CADPS: variants seen among roughly 807,000 people sequenced by gnomAD.
The protein encoded by CADPS is calcium dependent secretion activator.
In CADPS, 57 loss-of-function variants were observed where a neutral mutation model predicts 167.3. That is an observed-to-expected ratio of 0.34 (90% CI 0.28 to 0.42). CADPS has a LOEUF of 0.42. Among genes scored for constraint, CADPS ranks in the 20% least tolerant of loss-of-function variants. The pLI is 1.00. For synonymous variants in CADPS, 676 were observed against 635.3 expected (o/e 1.06, Z -0.96); for missense variants, 1,414 against 1,738.1 (o/e 0.81, Z 3.32).
In CADPS at chr3:62,550,244, G is replaced by A. The variant is rs1477535190; in HGVS notation, c.1754-129C>T. The A allele has an allele frequency of 7.5e-6, 5 of 665,770 alleles. No homozygotes were observed. The Admixed American group carries it at 1.0e-4, about 14-fold the overall frequency. 41.2% of individuals were successfully genotyped at this position (665,770 alleles called of 1,614,324 possible). ...AAGAGGGGGGTAGTGATTAACTTAG[G>A]ATGGGAAGTCTGAGATTCACTTGTC... On this transcript the variant is annotated intron_variant, in intron 10 of 29. Transcript: ENST00000383710.
chr3:62,824,362 C>T (rs1005148712), intron 1 of CADPS, among the ~76,000 whole-genome samples: 4 of 152,000 alleles, frequency 2.6e-5, no homozygotes, highest in African/African-American at 9.7e-5. Flanking sequence ...TTTAATAGCA[C>T]CTTGAATCTG....
intron 1 of CADPS, among the ~76,000 whole-genome samples, chr3:62,802,241 CACAAACCT>C (rs968899247): frequency 6.6e-6 from 1 of 152,142 alleles, no homozygotes; most frequent in African/African-American, 2.4e-5. Flanking sequence ...TGTGCACACA[CACAAACCT>C]ACATACCTGT....
intron 6 of CADPS, among the ~76,000 whole-genome samples, chr3:62,597,852 C>T (rs72874405): frequency 0.01 from 1,587 of 152,190 alleles, 25 homozygotes; most frequent in South Asian, 0.038. Context: ...ATTTAACTAT[C>T]AGATTTCAAA....
chr3:62,727,694 C>G (rs2077000390), intron 3 of CADPS, among the ~76,000 whole-genome samples: 1 of 149,862 alleles, frequency 6.7e-6, no homozygotes, highest in Admixed American at 6.6e-5. Context: ...TGGGAGGCCT[C>G]TTATAACCAT....
At chr3:62,717,881 C>T (rs898589926) in intron 3 of CADPS, among the ~76,000 whole-genome samples, 16 of 152,146 alleles carry the variant, frequency 1.1e-4, no homozygotes, top group Non-Finnish European at 1.8e-4. Context: ...CATCATTTAC[C>T]ACCATCCTCC....
intron 3 of CADPS, among the ~76,000 whole-genome samples, chr3:62,723,740 A>G (rs1018729475): frequency 5.9e-5 from 9 of 152,210 alleles, no homozygotes; most frequent in African/African-American, 9.6e-5. Flanking sequence ...TAATTTGCAT[A>G]TGCTGCTTAA....
rs898967377 is a variant in CADPS at position 62,398,611 on chromosome 3, T to A, written c.*795A>T. The A allele has an allele frequency of 6.6e-6, 1 of 152,626 alleles. No individual in the cohort carries two copies. The highest frequency in any genetic ancestry group is 2.4e-5 in the African/African-American group (1 of 41,454). The allele number at this position is 152,626 out of a possible 1,614,324, so 9.5% of individuals were successfully genotyped here. ...TCCACATCTTATTATAAACACATTT[T>A]TAGTCTAGGGTTGTAATTTAAATAT... On this transcript the variant is annotated 3_prime_UTR_variant, in exon 30 of 30. Transcript: ENST00000383710.
At chr3:62,522,543 T>G (rs1577174150) in intron 13 of CADPS, among the ~76,000 whole-genome samples, 1 of 152,158 alleles carries the variant, frequency 6.6e-6, no homozygotes, top group African/African-American at 2.4e-5. Context: ...ATTCCAGCAT[T>G]CCTTTCCCCG....
At chr3:62,778,954 G>T (rs527616956) in intron 1 of CADPS, among the ~76,000 whole-genome samples, 1 of 150,850 alleles carries the variant, frequency 6.6e-6, no homozygotes, top group Non-Finnish European at 1.5e-5. Context: ...CCAGTGGCAC[G>T]ATCTCAGCTC....
chr3:62,743,822 T>C (rs944125971), intron 3 of CADPS, among the ~76,000 whole-genome samples: 1 of 152,148 alleles, frequency 6.6e-6, no homozygotes, highest in Non-Finnish European at 1.5e-5. Context: ...AGTCTTCAAC[T>C]AAGCTTTCTT....
chr3:62,635,384 G>T (rs2066085844), intron 6 of CADPS, among the ~76,000 whole-genome samples: 1 of 152,088 alleles, frequency 6.6e-6, no homozygotes, highest in African/African-American at 2.4e-5. Flanking sequence ...GGAGACAAGA[G>T]CCCTCTTTTC....
In CADPS at chr3:62,533,448, A is replaced by G. The variant is rs1328546805; in HGVS notation, c.2104-390T>C. Among the ~76,000 whole-genome samples, 5 of 152,142 alleles carry G rather than the reference A, an allele frequency of 3.3e-5. No homozygotes were observed. In the South Asian group the frequency reaches 6.2e-4, roughly 19 times the overall value. Reference sequence around the variant, plus strand: ...AAAGTCGTGGTTACTGATAAGAGGAAATCATAACATTAATGCTCTACATTG... The same window carrying G: ...AAAGTCGTGGTTACTGATAAGAGGAGATCATAACATTAATGCTCTACATTG... On this transcript the variant is annotated intron_variant, in intron 12 of 29. Coordinates refer to ENST00000383710, the MANE Select transcript of CADPS (RefSeq NM_003716.4).
intron 3 of CADPS, among the ~76,000 whole-genome samples, chr3:62,694,015 A>G (rs750748770): frequency 3.4e-4 from 52 of 152,156 alleles, no homozygotes; most frequent in Non-Finnish European, 6.0e-4. Context: ...GTTGATGTCA[A>G]TAAGCCTCTT....
chr3:62,424,341 T>A (rs905621442), intron 28 of CADPS, among the ~76,000 whole-genome samples: 6 of 152,088 alleles, frequency 3.9e-5, no homozygotes, highest in African/African-American at 1.4e-4. Context: ...GTGCCATCAC[T>A]CCCAGCTAAC....
At chr3:62,459,500 C>T (rs1057190352) in intron 26 of CADPS, among the ~76,000 whole-genome samples, 4 of 152,158 alleles carry the variant, frequency 2.6e-5, no homozygotes, top group African/African-American at 7.2e-5. Flanking sequence ...CTAGATCTTC[C>T]CTTTCACCTC....
intron 3 of CADPS, among the ~76,000 whole-genome samples, chr3:62,678,988 G>C (rs1202807657): frequency 1.3e-5 from 2 of 151,966 alleles, no homozygotes; most frequent in African/African-American, 2.4e-5. Flanking sequence ...GGGTTCCCAA[G>C]GCATTAGCCT....
intron 2 of CADPS, among the ~76,000 whole-genome samples, chr3:62,758,815 TTCCC>T (rs1205687720): frequency 6.6e-6 from 1 of 152,188 alleles, no homozygotes; most frequent in Non-Finnish European, 1.5e-5. Flanking sequence ...CCATCAGTCC[TTCCC>T]TCCATCACCA....
At chr3:62,651,178 A>G in intron 4 of CADPS, 98 bp from the exon 5 acceptor site, 1 of 796,124 alleles carries the variant, frequency 1.3e-6, no homozygotes, top group Non-Finnish European at 2.0e-6. Flanking sequence ...AATCACATCT[A>G]CTACTAGTGA....
At chr3:62,762,005 T>G (rs909597443) in intron 2 of CADPS, among the ~76,000 whole-genome samples, 2 of 152,226 alleles carry the variant, frequency 1.3e-5, no homozygotes, top group Non-Finnish European at 2.9e-5. Flanking sequence ...GACCTTGGTC[T>G]CCTTTCTCCC....
Sources: gnomAD v4.1 joint callset for allele counts (sites outside exome capture counted in the v4.1 genomes callset) on GRCh38, gnomAD v4.1.1 for gene constraint, MANE v1.5 for transcripts, NCBI Gene and HGNC (gene_info 2026-07-23, HGNC 2026-07-21) for gene names.